Variants in MINDY3 observed in about 807,000 individuals in gnomAD.
MINDY3 encodes ubiquitin carboxyl-terminal hydrolase MINDY-3.
A neutral mutation model predicts 69.2 loss-of-function variants in MINDY3; 38 were observed. The ratio of observed to expected loss-of-function variants is 0.55; its 90% CI spans 0.42 to 0.72. The LOEUF is 0.72. Ranked by LOEUF, MINDY3 falls within the 30% of genes least tolerant of loss-of-function variation. The pLI is 0.00. For synonymous variants in MINDY3, 192 were observed against 180.1 expected (o/e 1.07, Z -0.53); for missense variants, 522 against 519.0 (o/e 1.01, Z -0.06).
At chr10:15,821,832 C>A in intron 8 of MINDY3, 106 bp from the exon 9 acceptor site, 2 of 799,568 alleles carry the variant, frequency 2.5e-6, no homozygotes, top group Non-Finnish European at 3.9e-6. Flanking sequence ...TACACCAAAA[C>A]TTTTAACTTT....
At chr10:15,844,718 CAATTAT>C (rs1291963243) in intron 2 of MINDY3, among the ~76,000 whole-genome samples, 1 of 152,056 alleles carries the variant, frequency 6.6e-6, no homozygotes, top group Non-Finnish European at 1.5e-5. Flanking sequence ...GTCATGGTTC[CAATTAT>C]AATTTAAAAT....
At chr10:15,860,065 G>C (rs946495537) in intron 1 of MINDY3, 141 bp downstream of exon 1, 10 of 660,282 alleles carry the variant, frequency 1.5e-5, no homozygotes, top group Admixed American at 2.6e-5. Flanking sequence ...GGCGTGTCTA[G>C]AAAGTCCAGC....
At chr10:15,805,063 A>T (rs548125694) in intron 10 of MINDY3, among the ~76,000 whole-genome samples, 1 of 152,304 alleles carries the variant, frequency 6.6e-6, no homozygotes, top group Non-Finnish European at 1.5e-5. Flanking sequence ...TGGGAGAAGA[A>T]GTTTCCAACA....
At chr10:15,814,985 T>C (rs1405624864) in intron 10 of MINDY3, among the ~76,000 whole-genome samples, 1 of 152,184 alleles carries the variant, frequency 6.6e-6, no homozygotes, top group Non-Finnish European at 1.5e-5. Flanking sequence ...AAACATCAAT[T>C]ATAAAATTTA....
intron 1 of MINDY3, among the ~76,000 whole-genome samples, chr10:15,850,045 T>C (rs1834168526): frequency 6.6e-6 from 1 of 152,204 alleles, no homozygotes; most frequent in African/African-American, 2.4e-5. Flanking sequence ...CATGGACATT[T>C]ATCAGTTCCC....
At chr10:15,857,850 T>C (rs1834804739) in intron 1 of MINDY3, 1 of 635,232 alleles carries the variant, frequency 1.6e-6, no homozygotes, top group African/African-American at 2.0e-5. Flanking sequence ...TATAATTTTA[T>C]AGATGAAATA....
At chr10:15,850,769 T>A (rs1037716483) in intron 1 of MINDY3, among the ~76,000 whole-genome samples, 13 of 152,172 alleles carry the variant, frequency 8.5e-5, no homozygotes, top group African/African-American at 3.1e-4. Context: ...CCTTGTGATA[T>A]TTTATTGCCC....
chr10:15,809,097 C>A (rs905996864), intron 10 of MINDY3, among the ~76,000 whole-genome samples: 2 of 151,996 alleles, frequency 1.3e-5, no homozygotes, highest in African/African-American at 4.8e-5. Flanking sequence ...GTTCCCAATT[C>A]GAGGGAAATT....
At chr10:15,799,764 T>A (rs1838122390) in intron 10 of MINDY3, among the ~76,000 whole-genome samples, 2 of 152,044 alleles carry the variant, frequency 1.3e-5, no homozygotes, top group African/African-American at 4.8e-5. Context: ...GACAGAAGAA[T>A]GAATTTGATT....
chr10:15,821,578 G>A, intron 9 of MINDY3, 78 bp downstream of exon 9: 1 of 1,075,782 alleles, frequency 9.3e-7, no homozygotes, highest in Non-Finnish European at 1.4e-6. Flanking sequence ...CAAATGTGCT[G>A]TCAGAGGAAC....
At chr10:15,836,546 A>T (rs114281110) in intron 6 of MINDY3, among the ~76,000 whole-genome samples, 1,571 of 152,072 alleles carry the variant, frequency 0.01, 31 homozygotes, top group African/African-American at 0.036. Context: ...GACATGATAG[A>T]TCTAATAGCA....
chr10:15,830,690 G>A (rs536010318), intron 8 of MINDY3, among the ~76,000 whole-genome samples: 1 of 152,338 alleles, frequency 6.6e-6, no homozygotes, highest in East Asian at 1.9e-4. Context: ...GTTAGTAAAT[G>A]AGCCATGCAG....
At chr10:15,789,132 G>T in intron 12 of MINDY3, 115 bp downstream of exon 12, 1 of 634,716 alleles carries the variant, frequency 1.6e-6, no homozygotes, top group Non-Finnish European at 2.8e-6. Flanking sequence ...TACATAGATT[G>T]CTATGCTTCA....
chr10:15,811,210 A>G (rs982578979), intron 10 of MINDY3, among the ~76,000 whole-genome samples: 5 of 152,192 alleles, frequency 3.3e-5, no homozygotes, highest in South Asian at 4.1e-4. Flanking sequence ...TTAAATAAAC[A>G]TAATTCACAA....
Position 15,821,745 on chromosome 10 carries a change from A to G in MINDY3, c.731-19T>C, listed in dbSNP as rs1040288794. The G allele has an allele frequency of 6.2e-7, 1 of 1,604,578 alleles. No homozygotes were observed. The highest frequency in any genetic ancestry group is 1.3e-5 in the African/African-American group (1 of 74,306). The stretch of plus-strand genomic sequence containing the variant: ...AGAAGTTCTGCAAAAAACAACAACA[A>G]CAACAAAAAACGAAAACTTAGCATT... On this transcript the variant is annotated intron_variant, in intron 8 of 14. Coordinates refer to ENST00000277632, the MANE Select transcript of MINDY3 (RefSeq NM_024948.4).
intron 10 of MINDY3, among the ~76,000 whole-genome samples, chr10:15,810,120 A>C (rs1282079992): frequency 6.6e-6 from 1 of 152,136 alleles, no homozygotes; most frequent in Non-Finnish European, 1.5e-5. Context: ...CACCAGTACA[A>C]TTAAAAAGGT....
chr10:15,809,162 G>A (rs1838831688), intron 10 of MINDY3, among the ~76,000 whole-genome samples: 1 of 152,072 alleles, frequency 6.6e-6, no homozygotes, highest in Middle Eastern at 3.2e-3. Context: ...AATAAAAGAT[G>A]AAGAATCAAT....
At chr10:15,823,635 T>A (rs1386476361) in intron 8 of MINDY3, among the ~76,000 whole-genome samples, 1 of 152,182 alleles carries the variant, frequency 6.6e-6, no homozygotes, top group Non-Finnish European at 1.5e-5. Flanking sequence ...TTTAAACACA[T>A]ATACTACATA....
rs183159474 is a variant in MINDY3 at position 15,779,368 on chromosome 10, A to T, written c.1189-227T>A. ...ATTGCTAGCTGGCCAGGTGATTTTT[A>T]AAAAATTCAAGATCATGTGAATCCT... is the stretch of plus-strand genomic sequence containing the variant. On this transcript the variant is annotated intron_variant, in intron 14 of 14. Transcript: ENST00000277632. 6.0e-3 allele frequency among the ~76,000 whole-genome samples: 919 copies of T among 152,316 alleles called. 12 individuals carry two copies. Among genetic ancestry groups the T allele is most frequent in the African/African-American group, 0.021 (879 of 41,572 alleles).
Sources: gnomAD v4.1 joint callset for allele counts (sites outside exome capture counted in the v4.1 genomes callset) on GRCh38, gnomAD v4.1.1 for gene constraint, MANE v1.5 for transcripts, NCBI Gene and HGNC (gene_info 2026-07-23, HGNC 2026-07-21) for gene names.